Variants in ACSM3 observed in about 807,000 individuals in gnomAD.
ACSM3 encodes acyl-CoA synthetase medium chain family member 3.
In ACSM3, 61 loss-of-function variants were observed where a neutral mutation model predicts 74.1. The observed-to-expected ratio is 0.82, with a 90% CI of 0.67 to 1.02. The LOEUF (loss-of-function observed/expected upper bound fraction) is 1.02. Among genes scored for constraint, ACSM3 ranks in the 50% least tolerant of loss-of-function variants. ACSM3 has a pLI of 0.00. For synonymous variants in ACSM3, 213 were observed against 241.5 expected (o/e 0.88, Z 1.09); for missense variants, 660 against 697.0 (o/e 0.95, Z 0.60).
chr16:20,749,470 A>T (rs972215444), intron 1 of ACSM3: 4 of 151,716 alleles, frequency 2.6e-5, no homozygotes, highest in Admixed American at 2.0e-4. Flanking sequence ...GAGTATTTTC[A>T]CCCCCTTTGC....
chr16:20,724,739 GACAA>G lies in ACSM3; in HGVS notation c.-189-25167_-189-25164del, dbSNP rs1376251373. Among the ~76,000 whole-genome samples the G allele has an allele frequency of 1.2e-4, 18 of 152,246 alleles. No individual in the cohort carries two copies. The East Asian group carries it at 3.3e-3, about 28-fold the overall frequency. On this transcript the variant is annotated intron_variant, in intron 1 of 3. Transcript: ENST00000561584. ...CAAGCATTCTTATACACCAATAACAGACAAACAGAGAGCCAAATCATGAGTGAAC... is the reference window on the plus strand; with the variant it reads ...CAAGCATTCTTATACACCAATAACAGACAGAGAGCCAAATCATGAGTGAAC...
At chr16:20,694,656 C>T (rs774412373) in intron 1 of ACSM3, among the ~76,000 whole-genome samples, 2 of 152,088 alleles carry the variant, frequency 1.3e-5, no homozygotes, top group Admixed American at 6.6e-5. Flanking sequence ...AAGACCAAAA[C>T]AAAAGGGAGA....
At chr16:20,682,527 G>C (rs980256484) in intron 1 of ACSM3, 30 of 1,367,852 alleles carry the variant, frequency 2.2e-5, no homozygotes, top group Non-Finnish European at 3.1e-5. Flanking sequence ...TTTAGACTTG[G>C]CTTGTCTGCA....
chr16:20,791,589 C>T (rs1034695687), intron 10 of ACSM3, among the ~76,000 whole-genome samples: 2 of 152,176 alleles, frequency 1.3e-5, no homozygotes, highest in African/African-American at 2.4e-5. Flanking sequence ...AACTCTAATG[C>T]TTCTCAAAGG....
At chr16:20,780,660 AAC>A in intron 4 of ACSM3, 52 bp from the exon 5 acceptor site, 2 of 1,614,160 alleles carry the variant, frequency 1.2e-6, no homozygotes, top group Non-Finnish European at 1.7e-6. Flanking sequence ...TTTCAGTGGT[AAC>A]AGTCTGTGAT....
At chr16:20,703,406 A>G (rs1456307568) in intron 1 of ACSM3, 1 of 152,208 alleles carries the variant, frequency 6.6e-6, no homozygotes, top group Admixed American at 6.5e-5. Context: ...TTTGGGCAGT[A>G]TGACCATTTT....
At chr16:20,720,747 T>C (rs185025672) in intron 1 of ACSM3, among the ~76,000 whole-genome samples, 1 of 152,346 alleles carries the variant, frequency 6.6e-6, no homozygotes, top group Non-Finnish European at 1.5e-5. Flanking sequence ...GATTTTTATT[T>C]TACAAAGATC....
intron 1 of ACSM3, among the ~76,000 whole-genome samples, chr16:20,769,042 A>T (rs2080160253): frequency 6.6e-6 from 1 of 152,238 alleles, no homozygotes; most frequent in Non-Finnish European, 1.5e-5. Flanking sequence ...ATCTGCAATT[A>T]TGTATTGTTT....
At chr16:20,784,241 T>C (rs979543762) in intron 7 of ACSM3, among the ~76,000 whole-genome samples, 3 of 152,208 alleles carry the variant, frequency 2.0e-5, no homozygotes, top group African/African-American at 7.2e-5. Context: ...GTTATTTCAA[T>C]ATAAATATTA....
intron 1 of ACSM3, among the ~76,000 whole-genome samples, chr16:20,675,020 G>A (rs899446855): frequency 2.0e-5 from 3 of 152,154 alleles, no homozygotes; most frequent in African/African-American, 4.8e-5. Context: ...CCGATACAGC[G>A]GCAAGTGCAG....
chr16:20,675,917 A>G (rs2020248830), intron 1 of ACSM3, among the ~76,000 whole-genome samples: 1 of 152,198 alleles, frequency 6.6e-6, no homozygotes, highest in Non-Finnish European at 1.5e-5. Flanking sequence ...CAAAAGTGAA[A>G]AGTGAAAGCC....
chr16:20,757,094 C>T (rs763615944), intron 3 of ACSM3, among the ~76,000 whole-genome samples: 7,612 of 149,774 alleles, frequency 0.051, 207 homozygotes, highest in Middle Eastern at 0.12. Context: ...GTTCTTTTGG[C>T]TTAGGATTGA....
chr16:20,711,702 T>TCTACG, intron 1 of ACSM3: 1 of 495,586 alleles, frequency 2.0e-6, no homozygotes. Flanking sequence ...TCCCAGCCAA[T>TCTACG]CTACGCTGCC....
At chr16:20,765,185 C>A (rs993151099) in intron 1 of ACSM3, among the ~76,000 whole-genome samples, 1 of 152,130 alleles carries the variant, frequency 6.6e-6, no homozygotes, top group African/African-American at 2.4e-5. Flanking sequence ...GTTTTCCTTA[C>A]CAATGTTTCT....
intron 6 of ACSM3, 104 bp downstream of exon 6, chr16:20,781,234 G>A: frequency 1.5e-6 from 2 of 1,371,810 alleles, no homozygotes; most frequent in Non-Finnish European, 2.0e-6. Context: ...TAGACAATAT[G>A]ATTTAAGATA....
chr16:20,722,403 G>C (rs2079788966), intron 1 of ACSM3: 1 of 152,160 alleles, frequency 6.6e-6, no homozygotes, highest in African/African-American at 2.4e-5. Flanking sequence ...AGCAGTTCTA[G>C]CACACTTTTA....
intron 2 of ACSM3, 97 bp from the exon 3 acceptor site, chr16:20,775,742 C>A (rs1043440109): frequency 2.4e-6 from 3 of 1,234,480 alleles, no homozygotes; most frequent in African/African-American, 1.5e-5. Flanking sequence ...TAATGACTTG[C>A]GAACTTTCTT....
At chr16:20,740,056 C>T (rs1309670417) in intron 1 of ACSM3, among the ~76,000 whole-genome samples, 1 of 152,118 alleles carries the variant, frequency 6.6e-6, no homozygotes, top group East Asian at 1.9e-4. Flanking sequence ...ATTAAAAACC[C>T]TTACTCTTGT....
chr16:20,769,413 T>C (rs1161512503), intron 1 of ACSM3, among the ~76,000 whole-genome samples: 2 of 152,222 alleles, frequency 1.3e-5, no homozygotes, highest in Non-Finnish European at 2.9e-5. Context: ...TGGGCCCCTA[T>C]TGAGAGCATG....
Sources: allele counts gnomAD v4.1 joint callset (sites outside exome capture counted in the v4.1 genomes callset), GRCh38; gene constraint gnomAD v4.1.1; transcripts MANE v1.5; gene names NCBI Gene and HGNC (gene_info 2026-07-23, HGNC 2026-07-21).